ADCY1: variants seen among roughly 807,000 people sequenced by gnomAD.
ADCY1 encodes the protein adenylate cyclase 1.
ADCY1 carries 28 observed loss-of-function variants against 105.4 expected under a neutral mutation model. The ratio of observed to expected loss-of-function variants is 0.27; its 90% CI spans 0.20 to 0.36. The LOEUF is 0.36. Ranked by LOEUF, ADCY1 falls within the 10% of genes least tolerant of loss-of-function variation. The probability of loss-of-function intolerance (pLI) is 1.00; values close to 1 mark genes in which losing one functional copy is unlikely to be tolerated. For synonymous variants in ADCY1, 655 were observed against 623.8 expected (o/e 1.05, Z -0.75); for missense variants, 977 against 1,434.2 (o/e 0.68, Z 5.15).
intron 4 of ADCY1, among the ~76,000 whole-genome samples, chr7:45,634,756 C>G (rs1403235816): frequency 2.0e-5 from 3 of 152,158 alleles, no homozygotes; most frequent in African/African-American, 7.2e-5. Context: ...TTTTGACTTT[C>G]AATATTTTCA....
At chr7:45,583,543 C>T (rs935270960) in intron 1 of ADCY1, among the ~76,000 whole-genome samples, 3 of 152,242 alleles carry the variant, frequency 2.0e-5, no homozygotes, top group Admixed American at 6.5e-5. Context: ...CTGAAGTAGA[C>T]TCTTCAGCCT....
At chr7:45,655,754 G>A (rs1289414366) in intron 5 of ADCY1, among the ~76,000 whole-genome samples, 4 of 152,178 alleles carry the variant, frequency 2.6e-5, no homozygotes, top group Admixed American at 1.3e-4. Context: ...TGGTGAGCTC[G>A]AGGGGATCTG....
At chr7:45,657,400 G>A (rs1370754171) in intron 5 of ADCY1, among the ~76,000 whole-genome samples, 1 of 152,234 alleles carries the variant, frequency 6.6e-6, no homozygotes, top group African/African-American at 2.4e-5. Context: ...TAATGACCAG[G>A]TCCACCTGGG....
rs115002298 is a variant in ADCY1, at chr7:45,630,488, C to T, written c.1020+7745C>T. Among the ~76,000 whole-genome samples, 115 of 152,230 alleles carry T rather than the reference C, an allele frequency of 7.6e-4. 1 individual carries two copies. The East Asian group carries it at 0.021, about 27-fold the overall frequency. ...GGCCAAAATCCAGATATTTGCAGAA[C>T]GATACTCCATCCAGAAGGTTCCAAG... On this transcript the variant is annotated intron_variant, in intron 4 of 19. Transcript: ENST00000297323.
At chr7:45,646,605 C>T (rs1013107109) in intron 4 of ADCY1, among the ~76,000 whole-genome samples, 2 of 152,218 alleles carry the variant, frequency 1.3e-5, no homozygotes, top group East Asian at 1.9e-4. Context: ...ACCTGGGAAA[C>T]AGCACTGTGG....
intron 8 of ADCY1, among the ~76,000 whole-genome samples, chr7:45,670,291 A>G (rs62459980): frequency 9.8e-4 from 149 of 152,140 alleles, no homozygotes; most frequent in East Asian, 2.7e-3. Flanking sequence ...CTTCCTCTCA[A>G]TGTGTTGGCC....
rs1294846334 is a variant in ADCY1, at chr7:45,667,582, T to C, written c.1605+5368T>C. Among the ~76,000 whole-genome samples, 7 of 152,350 alleles carry C rather than the reference T, an allele frequency of 4.6e-5. No individual in the cohort carries two copies. The East Asian group carries it at 1.3e-3, about 29-fold the overall frequency. On this transcript the variant is annotated intron_variant, in intron 8 of 19. Coordinates refer to ENST00000297323, the MANE Select transcript of ADCY1 (RefSeq NM_021116.4). ...TGGCATGATGCCTCCAGCTTTGTTC[T>C]TTTGGCTTAGGATTGACTTGGCGAT...
At chr7:45,590,146 C>T (rs960417674) in intron 1 of ADCY1, among the ~76,000 whole-genome samples, 1 of 152,122 alleles carries the variant, frequency 6.6e-6, no homozygotes. Flanking sequence ...CTAGCCCACA[C>T]GGAACAGCTC....
At chr7:45,622,487 G>A (rs555265677) in intron 3 of ADCY1, 145 bp from the exon 4 acceptor site, 1 of 633,184 alleles carries the variant, frequency 1.6e-6, no homozygotes, top group African/African-American at 1.8e-5. Context: ...TGGGAACCAG[G>A]AAGCCTTCAT....
At chr7:45,655,230 C>T (rs548741881) in intron 5 of ADCY1, among the ~76,000 whole-genome samples, 30 of 152,334 alleles carry the variant, frequency 2.0e-4, no homozygotes, top group African/African-American at 4.6e-4. Context: ...AATTTACTCA[C>T]GCCAAGGGGC....
chr7:45,624,913 A>T (rs1346997711), intron 4 of ADCY1, among the ~76,000 whole-genome samples: 1 of 152,172 alleles, frequency 6.6e-6, no homozygotes, highest in East Asian at 1.9e-4. Flanking sequence ...CAGTCCTGAG[A>T]TGAGCACCTT....
chr7:45,672,047 A>G (rs1165417532), intron 8 of ADCY1, among the ~76,000 whole-genome samples: 2 of 152,154 alleles, frequency 1.3e-5, no homozygotes, highest in African/African-American at 4.8e-5. Context: ...TTTGACATAC[A>G]TTTTACTCTA....
chr7:45,607,842 A>G (rs1793423447), intron 2 of ADCY1, among the ~76,000 whole-genome samples: 1 of 152,198 alleles, frequency 6.6e-6, no homozygotes, highest in Non-Finnish European at 1.5e-5. Context: ...CCAGCCCACC[A>G]TTGATGGGCA....
Position 45,592,810 on chromosome 7 carries a change from G to A in ADCY1, c.691G>A (p.Val231Met), listed in dbSNP as rs751101356. Reference protein sequence around the residue: ...FVGVNMYGVFVRILTERSQRK... With the variant: ...FVGVNMYGVFMRILTERSQRK... ...CGGTGTGAACATGTATGGGGTCTTT[G>A]TGCGGATTCTGACTGAGCGTTCACA... Residue 231 changes from valine to methionine, a missense_variant, in exon 2 of 20, where the codon GTG (valine) becomes ATG (methionine). This residue lies in a region of ADCY1 where 196 missense variants were observed against 347.8 expected (regional missense o/e 0.56). Transcript: ENST00000297323. 6.2e-7 allele frequency: 1 copy of A among 1,614,218 alleles called. No individual in the cohort carries two copies. Among genetic ancestry groups the A allele is most frequent in the Admixed American group, 1.7e-5 (1 of 60,026 alleles).
intron 4 of ADCY1, among the ~76,000 whole-genome samples, chr7:45,638,367 T>C (rs952211671): frequency 2.0e-5 from 3 of 152,204 alleles, no homozygotes; most frequent in African/African-American, 7.2e-5. Context: ...TTATCCAGTA[T>C]AGCTTCCATC....
intron 3 of ADCY1, among the ~76,000 whole-genome samples, chr7:45,620,159 G>A (rs1423405588): frequency 6.6e-6 from 1 of 152,080 alleles, no homozygotes; most frequent in Non-Finnish European, 1.5e-5. Context: ...CTAAAATACT[G>A]CAATATTCCA....
chr7:45,597,102 C>T (rs1466805865), intron 2 of ADCY1, among the ~76,000 whole-genome samples: 1 of 152,142 alleles, frequency 6.6e-6, no homozygotes, highest in Non-Finnish European at 1.5e-5. Context: ...CTTTATGGCC[C>T]CCACTGAATG....
At chr7:45,622,543 G>A (rs1793931028) in intron 3 of ADCY1, 89 bp from the exon 4 acceptor site, 1 of 918,864 alleles carries the variant, frequency 1.1e-6, no homozygotes, top group African/African-American at 1.6e-5. Context: ...ATTCTACAGT[G>A]ATTTGGAGAT....
chr7:45,608,453 C>A (rs1477734164), intron 2 of ADCY1, among the ~76,000 whole-genome samples: 3 of 152,198 alleles, frequency 2.0e-5, no homozygotes, highest in Non-Finnish European at 4.4e-5. Flanking sequence ...AAATAAGGGT[C>A]TCTCTTGTCA....
Sources: gnomAD v4.1 joint callset for allele counts (sites outside exome capture counted in the v4.1 genomes callset) on GRCh38, gnomAD v4.1.1 for gene constraint, gnomAD v4.1.1 regional missense constraint, MANE v1.5 for transcripts, NCBI Gene and HGNC (gene_info 2026-07-23, HGNC 2026-07-21) for gene names.